The following CCDC178 variants were observed in gnomAD, a reference collection of about 807,000 sequenced individuals.
CCDC178 encodes coiled-coil domain-containing protein 178.
A neutral mutation model predicts 117.4 loss-of-function variants in CCDC178; 126 were observed. The ratio of observed to expected loss-of-function variants is 1.07; its 90% CI spans 0.93 to 1.24. CCDC178 has a LOEUF of 1.24. Among genes scored for constraint, CCDC178 ranks in the 50% most tolerant of loss-of-function variants. The pLI is 0.00. For synonymous variants in CCDC178, 283 were observed against 313.4 expected (o/e 0.90, Z 1.02); for missense variants, 1,030 against 986.9 (o/e 1.04, Z -0.59).
At chr18:33,201,548 G>C (rs2058989046) in intron 20 of CCDC178, among the ~76,000 whole-genome samples, 1 of 152,194 alleles carries the variant, frequency 6.6e-6, no homozygotes, top group Non-Finnish European at 1.5e-5. Flanking sequence ...TAAAAGAACA[G>C]GCTCTGCCAG....
chr18:33,194,937 A>C (rs1392682682), intron 20 of CCDC178, among the ~76,000 whole-genome samples: 5 of 138,904 alleles, frequency 3.6e-5, no homozygotes, highest in Admixed American at 2.1e-4. Flanking sequence ...AGAGAGGGAG[A>C]GAGAGAGACA....
chr18:33,297,344 T>G (rs2062118522), intron 11 of CCDC178, among the ~76,000 whole-genome samples: 1 of 151,822 alleles, frequency 6.6e-6, no homozygotes, highest in Non-Finnish European at 1.5e-5. Context: ...AAAGCAGAAG[T>G]AATAAAATTG....
In CCDC178 at chr18:33,412,469, C is replaced by G. The variant is rs531687807; in HGVS notation, c.-22-359G>C. 2.3e-3 allele frequency among the ~76,000 whole-genome samples: 119 copies of G among 52,346 alleles called. 1 individual carries two copies. In the East Asian group the frequency reaches 0.36, roughly 159 times the overall value. 34.3% of individuals were successfully genotyped at this position (52,346 alleles called of 152,430 possible). A position where few individuals can be genotyped will look rare whatever the true frequency, so the allele number is the denominator to read the frequency against. On this transcript the variant is annotated intron_variant, in intron 2 of 22. Coordinates refer to ENST00000383096, the MANE Select transcript of CCDC178 (RefSeq NM_001105528.4). ...TTCATATAATAAAAGTTTAACTTTA[C>G]TACCATCTATCTCTTCTTTACCTTC...
chr18:33,096,574 T>C (rs1233952700), intron 20 of CCDC178, among the ~76,000 whole-genome samples: 1 of 151,808 alleles, frequency 6.6e-6, no homozygotes. Flanking sequence ...TAAATCTGTA[T>C]TGTAACTGAA....
intron 18 of CCDC178, among the ~76,000 whole-genome samples, chr18:33,222,653 T>C (rs908501582): frequency 6.6e-6 from 1 of 152,118 alleles, no homozygotes; most frequent in East Asian, 1.9e-4. Flanking sequence ...TTTCAACATA[T>C]GAATTTTGGG....
At chr18:33,431,495 T>C (rs116236139) in intron 2 of CCDC178, among the ~76,000 whole-genome samples, 1,602 of 152,340 alleles carry the variant, frequency 0.011, 28 homozygotes, top group African/African-American at 0.037. Context: ...TTTGTAGTGT[T>C]ATTTAAGTCA....
chr18:33,264,363 C>T (rs2059788790), intron 14 of CCDC178, among the ~76,000 whole-genome samples: 1 of 151,966 alleles, frequency 6.6e-6, no homozygotes, highest in Admixed American at 6.6e-5. Flanking sequence ...TTAATCTTCT[C>T]TTCTTTAGGA....
At chr18:33,424,684 C>T (rs762117054) in intron 2 of CCDC178, among the ~76,000 whole-genome samples, 2 of 152,176 alleles carry the variant, frequency 1.3e-5, no homozygotes, top group Non-Finnish European at 1.5e-5. Flanking sequence ...AAGAGTTAAG[C>T]TGCTGACCTT....
chr18:32,939,372 C>T (rs1398834202), intron 22 of CCDC178, among the ~76,000 whole-genome samples: 1 of 150,880 alleles, frequency 6.6e-6, no homozygotes, highest in East Asian at 1.9e-4. Flanking sequence ...TTGAAAAATC[C>T]ATCTGAATAA....
rs374497524 is a variant in CCDC178, at chr18:33,385,738, T to TA, written c.208+3801dup. Among the ~76,000 whole-genome samples the TA allele has an allele frequency of 3.1e-3, 472 of 152,268 alleles. 3 individuals are homozygous for TA. The highest frequency in any genetic ancestry group is 5.0e-3 in the Non-Finnish European group (337 of 68,016). ...GTGTTAAGTGGCAAATTTATAGCAC[T>TA]AAATGCCCACATCAAAGAAAGATCT... On this transcript the variant is annotated intron_variant, in intron 5 of 22. Transcript: ENST00000383096.
chr18:33,392,154 C>CA (rs1176011130), intron 4 of CCDC178, among the ~76,000 whole-genome samples: 1 of 152,110 alleles, frequency 6.6e-6, no homozygotes, highest in African/African-American at 2.4e-5. Context: ...CATAAGCCAC[C>CA]ATGCCTGGCC....
intron 20 of CCDC178, among the ~76,000 whole-genome samples, chr18:33,208,867 A>C (rs1452635079): frequency 6.6e-6 from 1 of 152,056 alleles, no homozygotes; most frequent in Non-Finnish European, 1.5e-5. Context: ...TAACTCTACA[A>C]GGAATGGGAG....
At chr18:33,284,679 A>G (rs112117077) in intron 12 of CCDC178, among the ~76,000 whole-genome samples, 3 of 152,330 alleles carry the variant, frequency 2.0e-5, no homozygotes, top group African/African-American at 7.2e-5. Flanking sequence ...ATGCCTTAAA[A>G]TAACTTTATA....
intron 20 of CCDC178, among the ~76,000 whole-genome samples, chr18:33,115,997 T>TA (rs2057851905): frequency 6.6e-6 from 1 of 152,098 alleles, no homozygotes; most frequent in Non-Finnish European, 1.5e-5. Context: ...ACTTTTAAAA[T>TA]AAAAAATATT....
chr18:33,307,808 T>C (rs1475742975), intron 11 of CCDC178, among the ~76,000 whole-genome samples: 1 of 152,214 alleles, frequency 6.6e-6, no homozygotes, highest in Non-Finnish European at 1.5e-5. Context: ...AGAATGTTGC[T>C]TCAGAGGGTG....
At chr18:33,084,587 C>A (rs2057347861) in intron 21 of CCDC178, among the ~76,000 whole-genome samples, 1 of 151,928 alleles carries the variant, frequency 6.6e-6, no homozygotes, top group African/African-American at 2.4e-5. Context: ...CCGAGGCAGG[C>A]AGATCACGAG....
chr18:33,044,244 G>T (rs898581041), intron 21 of CCDC178, among the ~76,000 whole-genome samples: 4 of 151,956 alleles, frequency 2.6e-5, no homozygotes, highest in African/African-American at 9.7e-5. Context: ...ATAAATTGTA[G>T]ATGTCACAAA....
intron 20 of CCDC178, among the ~76,000 whole-genome samples, chr18:33,104,792 T>C (rs570263055): frequency 2.6e-4 from 39 of 151,852 alleles, no homozygotes; most frequent in African/African-American, 8.9e-4. Flanking sequence ...TGGGTAGTTA[T>C]GGTAACAAAT....
intron 17 of CCDC178, among the ~76,000 whole-genome samples, chr18:33,223,800 C>G (rs1384515300): frequency 2.0e-5 from 3 of 152,032 alleles, no homozygotes; most frequent in Non-Finnish European, 4.4e-5. Context: ...AAGGGGGAGC[C>G]ATCATTAAAA....
Sources: allele counts gnomAD v4.1 joint callset (sites outside exome capture counted in the v4.1 genomes callset), GRCh38; gene constraint gnomAD v4.1.1; transcripts MANE v1.5; gene names NCBI Gene and HGNC (gene_info 2026-07-23, HGNC 2026-07-21).